ZNF451: variants seen among roughly 807,000 people sequenced by gnomAD.
The protein encoded by ZNF451 is zinc finger protein 451, also known as E3 SUMO-protein ligase ZNF451.
ZNF451 carries 80 observed loss-of-function variants against 107.1 expected under a neutral mutation model. The observed-to-expected ratio is 0.75, with a 90% CI of 0.62 to 0.90. The LOEUF (loss-of-function observed/expected upper bound fraction) is 0.90, where lower values mean the gene tolerates loss of function less well. ZNF451 is among the 40% of genes least tolerant of loss of function. ZNF451 has a pLI of 0.00. For synonymous variants in ZNF451, 362 were observed against 406.5 expected, an observed-to-expected ratio of 0.89 and a Z score of 1.32; for missense variants, 1,107 against 1,236.2, an observed-to-expected ratio of 0.90 and a Z score of 1.57.
At chr6:57,108,357 G>T (rs1007379988) in intron 3 of ZNF451, 39 of 985,096 alleles carry the variant, frequency 4.0e-5, no homozygotes, top group Non-Finnish European at 4.3e-5. Context: ...ACTTTTATTT[G>T]TGATGGCTGT....
intron 3 of ZNF451, among the ~76,000 whole-genome samples, chr6:57,120,823 C>T (rs916352784): frequency 3.3e-5 from 5 of 152,158 alleles, no homozygotes; most frequent in African/African-American, 1.2e-4. Flanking sequence ...CACATATTCT[C>T]CCAGTCTGTG....
At chr6:57,159,099 CATTAT>C in intron 13 of ZNF451, 7 of 985,310 alleles carry the variant, frequency 7.1e-6, no homozygotes, top group Non-Finnish European at 8.4e-6. Context: ...CTTTGGGCAC[CATTAT>C]AAAAATATGT....
intron 13 of ZNF451, 97 bp from the exon 14 acceptor site, chr6:57,160,987 T>C (rs1249690943): frequency 1.1e-5 from 8 of 719,344 alleles, no homozygotes; most frequent in Non-Finnish European, 1.8e-5. Flanking sequence ...AACTGTATTA[T>C]AATGAGTAAG....
At chr6:57,145,753 G>A (rs1405716585) in intron 9 of ZNF451, among the ~76,000 whole-genome samples, 6 of 152,024 alleles carry the variant, frequency 3.9e-5, no homozygotes, top group African/African-American at 4.8e-5. Context: ...ATAGTGCTGC[G>A]GTAAATGTAC....
intron 13 of ZNF451, chr6:57,158,971 T>C: frequency 2.0e-6 from 2 of 985,268 alleles, no homozygotes; most frequent in South Asian, 4.7e-5. Context: ...GTGTAGATGA[T>C]TGAAGCAGCA....
chr6:57,113,531 G>A (rs753272456), intron 3 of ZNF451, among the ~76,000 whole-genome samples: 1 of 151,468 alleles, frequency 6.6e-6, no homozygotes, highest in Non-Finnish European at 1.5e-5. Flanking sequence ...TCAACTTTTC[G>A]ATGAGTGATG....
At chr6:57,100,955 A>T in intron 3 of ZNF451, 1 of 1,551,074 alleles carries the variant, frequency 6.4e-7, no homozygotes. Flanking sequence ...CATGGACGGG[A>T]TGCCATCCTC....
chr6:57,137,293 A>G (rs934726116), intron 7 of ZNF451, among the ~76,000 whole-genome samples: 2 of 152,228 alleles, frequency 1.3e-5, no homozygotes, highest in South Asian at 4.1e-4. Flanking sequence ...GCAGTCCCCA[A>G]TGGAAAAAAG....
At chr6:57,090,335 T>A (rs1389310614) in intron 1 of ZNF451, 61 bp downstream of exon 1, 4 of 1,595,002 alleles carry the variant, frequency 2.5e-6, no homozygotes, top group Non-Finnish European at 2.6e-6. Flanking sequence ...GTTTGTGTTT[T>A]CTGCGGTCTG....
intron 6 of ZNF451, among the ~76,000 whole-genome samples, chr6:57,133,918 T>C (rs1210774661): frequency 6.6e-6 from 1 of 152,146 alleles, no homozygotes; most frequent in East Asian, 1.9e-4. Flanking sequence ...TCAAGCATTC[T>C]GCCCACCTCA....
At chr6:57,133,264 C>A in intron 6 of ZNF451, 72 bp downstream of exon 6, 1 of 1,409,464 alleles carries the variant, frequency 7.1e-7, no homozygotes, top group Non-Finnish European at 9.9e-7. Flanking sequence ...AAAATGAAAG[C>A]GTAATGCTCC....
At chr6:57,110,307 T>A (rs1399468471) in intron 3 of ZNF451, among the ~76,000 whole-genome samples, 4 of 152,236 alleles carry the variant, frequency 2.6e-5, no homozygotes, top group Non-Finnish European at 5.9e-5. Flanking sequence ...TCCTACATAT[T>A]CAAAGTGTGC....
At chr6:57,111,672 C>T (rs1001499435) in intron 3 of ZNF451, among the ~76,000 whole-genome samples, 7 of 152,124 alleles carry the variant, frequency 4.6e-5, no homozygotes, top group African/African-American at 1.4e-4. Flanking sequence ...TGAGCCACCA[C>T]GCCTGGCCGT....
At chr6:57,096,208 G>C in intron 2 of ZNF451, among the ~76,000 whole-genome samples, 1 of 104,124 alleles carries the variant, frequency 9.6e-6, no homozygotes, top group East Asian at 2.9e-4. Context: ...TTTTGAGATG[G>C]AGTTTCGCTC....
rs915453040 is a variant in ZNF451 at position 57,148,205 on chromosome 6, C to T, written c.2120C>T (p.Thr707Ile). The stretch of plus-strand genomic sequence containing the variant: ...GAAAAAACTGAAACTTCAATTAAAA[C>T]CGAAGATGATTTTCCAGTAATAGAG... ...VSEKTETSIK[T>I]EDDFPVIETS... is the part of the protein sequence containing the mutation. Residue 707 changes from threonine (T) to isoleucine (I), a missense_variant, in exon 10 of 15, where the codon ACC becomes ATC. Transcript: ENST00000370706. 4 of 1,613,976 alleles carry T rather than the reference C, an allele frequency of 2.5e-6. No homozygotes were observed. The highest frequency in any genetic ancestry group is 1.7e-5 in the Admixed American group (1 of 59,994).
chr6:57,095,326 CTTTT>C (rs764972958), intron 2 of ZNF451, among the ~76,000 whole-genome samples: 4 of 107,804 alleles, frequency 3.7e-5, no homozygotes, highest in Admixed American at 9.5e-5. Flanking sequence ...TTCTGTGATA[CTTTT>C]TTTTTTTTTT....
At chr6:57,105,645 G>A in intron 3 of ZNF451, 1 of 985,310 alleles carries the variant, frequency 1.0e-6, no homozygotes. Context: ...TGTTATTAGT[G>A]AGTGGCTAAT....
In ZNF451 at chr6:57,147,280, T is replaced by A; in HGVS notation, c.1195T>A (p.Leu399Ile). ...RVINSVEESV[L>I]LYCHSSEGNK... is the part of the protein sequence containing the mutation. Reference sequence around the variant, plus strand: ...CATTAACTCAGTGGAAGAATCAGTCTTACTCTATTGCCACAGCAGCGAAGG... The same window carrying A: ...CATTAACTCAGTGGAAGAATCAGTCATACTCTATTGCCACAGCAGCGAAGG... The change falls in exon 10 of 15, where the codon TTA becomes ATA. Residue 399 changes from leucine (L) to isoleucine (I), a missense_variant. Around this residue, in one of 5 missense-constraint regions of ZNF451, gnomAD observed 608 missense variants for 649.2 expected, o/e 0.94. Transcript: ENST00000370706. 6.2e-7 allele frequency: 1 copy of A among 1,614,122 alleles called. No homozygotes were observed. The highest frequency in any genetic ancestry group is 8.5e-7 in the Non-Finnish European group (1 of 1,179,992).
chr6:57,106,055 A>G (rs1198516183), intron 3 of ZNF451: 17 of 984,984 alleles, frequency 1.7e-5, no homozygotes, highest in Non-Finnish European at 1.9e-5. Flanking sequence ...ACTGAGTGCT[A>G]CCTAAGTGAC....
Sources: gnomAD v4.1 joint callset for allele counts (sites outside exome capture counted in the v4.1 genomes callset) on GRCh38, gnomAD v4.1.1 for gene constraint, gnomAD v4.1.1 regional missense constraint, MANE v1.5 for transcripts, NCBI Gene and HGNC (gene_info 2026-07-23, HGNC 2026-07-21) for gene names.